Variants in FER observed in about 807,000 individuals in gnomAD.
FER encodes the protein tyrosine-protein kinase Fer.
In FER, 63 loss-of-function variants were observed where a neutral mutation model predicts 111.0. That is an observed-to-expected ratio of 0.57 (90% confidence interval 0.46 to 0.70). The LOEUF is 0.70. Ranked by LOEUF, FER falls within the 30% of genes least tolerant of loss-of-function variation. The pLI is 0.00. For synonymous variants in FER, 327 were observed against 313.9 expected, an observed-to-expected ratio of 1.04 and a Z score of -0.44; for missense variants, 914 against 954.0, an observed-to-expected ratio of 0.96 and a Z score of 0.55.
At chr5:108,759,513 C>G (rs1471278593) in intron 1 of FER, among the ~76,000 whole-genome samples, 1 of 152,196 alleles carries the variant, frequency 6.6e-6, no homozygotes. Flanking sequence ...CAGTTTCTGT[C>G]TTAGTCCATT....
chr5:108,748,237 A>G (rs1259023762), intron 1 of FER, among the ~76,000 whole-genome samples: 1 of 152,244 alleles, frequency 6.6e-6, no homozygotes, highest in Non-Finnish European at 1.5e-5. Context: ...GTACAGGAAA[A>G]AGTGACCAAT....
In FER at chr5:109,124,628, C is replaced by T. The variant is rs551325676; in HGVS notation, c.2048+24109C>T. 2.0e-5 allele frequency among the ~76,000 whole-genome samples: 3 copies of T among 151,722 alleles called. No individual in the cohort carries two copies. The South Asian group carries it at 6.3e-4, about 32-fold the overall frequency. ...TTGTTGTTGTTGTTGTTGTTTTGCT[C>T]CCCTTCCTGATTGACAGCAGCCTTA... is the stretch of plus-strand genomic sequence containing the variant. On this transcript the variant is annotated intron_variant, in intron 17 of 19. Coordinates refer to ENST00000281092, the MANE Select transcript of FER (RefSeq NM_005246.4).
In FER at chr5:108,828,409, G is replaced by C. The variant is rs147317629; in HGVS notation, c.208-4361G>C. On this transcript the variant is annotated intron_variant, in intron 3 of 19. Coordinates refer to ENST00000281092, the MANE Select transcript of FER (RefSeq NM_005246.4). ...TCTTCTGACTCTTCTATTTGAAAAG[G>C]TACTAACACTTCTTTCCGTCAGTCT... 5.4e-3 allele frequency among the ~76,000 whole-genome samples: 819 copies of C among 152,146 alleles called. 10 individuals carry two copies. Among genetic ancestry groups the C allele is most frequent in the African/African-American group, 0.019 (798 of 41,520 alleles).
intron 10 of FER, among the ~76,000 whole-genome samples, chr5:108,917,708 A>G (rs764923708): frequency 2.2e-4 from 33 of 152,206 alleles, no homozygotes; most frequent in Non-Finnish European, 3.8e-4. Context: ...AACAGGAAGT[A>G]TGAAAAAGGT....
intron 10 of FER, among the ~76,000 whole-genome samples, chr5:108,917,723 C>T (rs954442719): frequency 3.9e-5 from 6 of 152,180 alleles, no homozygotes; most frequent in Non-Finnish European, 8.8e-5. Context: ...AAAGGTGATA[C>T]TTTAAGCTTC....
At chr5:108,966,242 A>C (rs1759797950) in intron 13 of FER, among the ~76,000 whole-genome samples, 1 of 152,180 alleles carries the variant, frequency 6.6e-6, no homozygotes, top group Non-Finnish European at 1.5e-5. Flanking sequence ...AAATGGGCAT[A>C]GGCAGGTAAG....
intron 13 of FER, among the ~76,000 whole-genome samples, chr5:109,000,595 T>G (rs1764636960): frequency 1.3e-5 from 2 of 151,916 alleles, no homozygotes; most frequent in African/African-American, 4.8e-5. Context: ...TTAAAAGAAC[T>G]AGAGAAGCAA....
chr5:109,181,389 T>G (rs954844562), intron 18 of FER, among the ~76,000 whole-genome samples: 3 of 152,182 alleles, frequency 2.0e-5, no homozygotes, highest in Non-Finnish European at 2.9e-5. Flanking sequence ...GAATTACATT[T>G]TAAAACGGCA....
chr5:108,992,355 A>G (rs1763310642), intron 13 of FER, among the ~76,000 whole-genome samples: 2 of 152,140 alleles, frequency 1.3e-5, no homozygotes, highest in Non-Finnish European at 2.9e-5. Flanking sequence ...CAAAACCGCC[A>G]TTGTCATCAT....
chr5:109,053,154 G>A (rs62375525), intron 16 of FER, among the ~76,000 whole-genome samples: 216 of 152,126 alleles, frequency 1.4e-3, no homozygotes, highest in Middle Eastern at 3.4e-3. Context: ...TGGAGGCCAG[G>A]GTGGGTGGAT....
Position 109,168,891 on chromosome 5 carries a change from T to C in FER, c.2049-11856T>C, listed in dbSNP as rs534456067. ...GGAAATTGCTATAAATTTGCCAAAT[T>C]CTTCCAAACCCTTCAGGCATGATAA... On this transcript the variant is annotated intron_variant, in intron 17 of 19. Transcript: ENST00000281092. Among the ~76,000 whole-genome samples the C allele has an allele frequency of 7.9e-5, 12 of 152,360 alleles. No individual in the cohort carries two copies. In the South Asian group the frequency reaches 2.1e-3, roughly 26 times the overall value.
intron 17 of FER, among the ~76,000 whole-genome samples, chr5:109,143,234 C>T (rs1753712693): frequency 6.6e-6 from 1 of 152,118 alleles, no homozygotes; most frequent in South Asian, 2.1e-4. Flanking sequence ...CAAGATACTT[C>T]ACTCCTCTAG....
intron 17 of FER, among the ~76,000 whole-genome samples, chr5:109,109,326 C>T (rs1429472798): frequency 6.6e-6 from 1 of 152,010 alleles, no homozygotes; most frequent in Non-Finnish European, 1.5e-5. Flanking sequence ...TGTATATATG[C>T]TTATGCATGT....
At chr5:108,833,026 T>G in intron 4 of FER, 83 bp downstream of exon 4, 1 of 1,249,780 alleles carries the variant, frequency 8.0e-7, no homozygotes, top group Non-Finnish European at 1.1e-6. Flanking sequence ...GCTTTAAAAA[T>G]TGTTTATTCA....
chr5:108,755,580 G>A (rs570471900), intron 1 of FER, among the ~76,000 whole-genome samples: 28 of 152,086 alleles, frequency 1.8e-4, no homozygotes, highest in African/African-American at 6.5e-4. Context: ...CCACCTCCCG[G>A]GTTCAAGCAA....
intron 13 of FER, among the ~76,000 whole-genome samples, chr5:108,976,007 C>T (rs1384959378): frequency 6.6e-6 from 1 of 152,112 alleles, no homozygotes; most frequent in Admixed American, 6.6e-5. Context: ...ATATGTATAT[C>T]TGGAATTTAG....
intron 10 of FER, among the ~76,000 whole-genome samples, chr5:108,908,780 T>C (rs1191147505): frequency 6.6e-6 from 1 of 151,726 alleles, no homozygotes; most frequent in Non-Finnish European, 1.5e-5. Flanking sequence ...GGCTCATGCC[T>C]GTAATCTCTG....
At chr5:109,077,943 C>G (rs1422641001) in intron 16 of FER, among the ~76,000 whole-genome samples, 1 of 151,984 alleles carries the variant, frequency 6.6e-6, no homozygotes, top group East Asian at 1.9e-4. Flanking sequence ...CCACTTTACA[C>G]AGGAGGAAAT....
At position 108,748,790 on chromosome 5, in the gene FER, A is replaced by T. The variant is rs576467092; in HGVS notation, c.-206+790A>T. On this transcript the variant is annotated intron_variant, in intron 1 of 19. Coordinates refer to ENST00000281092, the MANE Select transcript of FER (RefSeq NM_005246.4). The stretch of plus-strand genomic sequence containing the variant: ...CTCCCCGCCTCCTGGGAGGTAGTGG[A>T]GGAGGGGGCTGAGGGCCGGGCGGCT... Among the ~76,000 whole-genome samples the T allele has an allele frequency of 3.0e-4, 46 of 152,244 alleles. 2 individuals carry two copies. The highest frequency in any genetic ancestry group is 1.1e-3 in the African/African-American group (46 of 41,562).
Sources: gnomAD v4.1 joint callset for allele counts (sites outside exome capture counted in the v4.1 genomes callset) on GRCh38, gnomAD v4.1.1 for gene constraint, MANE v1.5 for transcripts, NCBI Gene and HGNC (gene_info 2026-07-23, HGNC 2026-07-21) for gene names.